TDG: variants seen among roughly 807,000 people sequenced by gnomAD.
TDG encodes the protein thymine DNA glycosylase.
TDG carries 23 observed loss-of-function variants against 46.1 expected under a neutral mutation model. The ratio of observed to expected loss-of-function variants is 0.50; its 90% CI spans 0.36 to 0.71. The LOEUF is 0.71. Among genes scored for constraint, TDG ranks in the 30% least tolerant of loss-of-function variants. The probability of loss-of-function intolerance (pLI) is 0.00; values close to 1 mark genes in which losing one functional copy is unlikely to be tolerated. For synonymous variants in TDG, 115 were observed against 161.3 expected (o/e 0.71, Z 2.18); for missense variants, 304 against 486.7 (o/e 0.62, Z 3.53).
intron 7 of TDG, 124 bp from the exon 8 acceptor site, chr12:103,984,625 A>G: frequency 1.5e-6 from 1 of 683,064 alleles, no homozygotes; most frequent in East Asian, 4.5e-5. Context: ...ATTGATTTTT[A>G]CATATATTTA....
At position 103,985,719 on chromosome 12, in the gene TDG, A is replaced by G. The variant is rs186233269; in HGVS notation, c.1081A>G (p.Asn361Asp). The G allele has an allele frequency of 2.2e-5, 36 of 1,613,118 alleles. No homozygotes were observed. The East Asian group carries it at 6.9e-4, about 31-fold the overall frequency. Residue 361 changes from asparagine (N) to aspartate (D), a missense_variant, in exon 9 of 10, where the codon AAT becomes GAT. By Grantham distance (23) the Asn-to-Asp change is conservative. Transcript: ENST00000392872. ...CSSEPCGFSS[N>D]GLIESVELRG... ...CAGTGAACCTTGTGGCTTCTCTTCA[A>G]ATGGGCTAAGTATGGTTCCCTCCAC...
chr12:103,977,215 G>A (rs1010328077), intron 2 of TDG, among the ~76,000 whole-genome samples, 155 bp downstream of exon 2: 1 of 152,102 alleles, frequency 6.6e-6, no homozygotes, highest in Non-Finnish European at 1.5e-5. Context: ...TAGGTTCTGG[G>A]GAATAAAAGA....
intron 1 of TDG, among the ~76,000 whole-genome samples, chr12:103,967,627 T>G (rs978050322): frequency 2.0e-5 from 3 of 151,900 alleles, no homozygotes; most frequent in African/African-American, 7.3e-5. Flanking sequence ...TGGCTAATTT[T>G]TGTATTTTTA....
intron 8 of TDG, 83 bp downstream of exon 8, chr12:103,985,003 A>C: frequency 8.8e-6 from 10 of 1,140,086 alleles, no homozygotes; most frequent in Non-Finnish European, 1.2e-5. Context: ...ACACATATAC[A>C]TATATACATA....
At chr12:103,979,028 C>G (rs1453951043) in intron 2 of TDG, among the ~76,000 whole-genome samples, 1 of 152,042 alleles carries the variant, frequency 6.6e-6, no homozygotes, top group Non-Finnish European at 1.5e-5. Flanking sequence ...CTAAATTCCC[C>G]TCTTCAACTA....
In TDG at chr12:103,988,625, A is replaced by G. The variant is rs2136248144; in HGVS notation, c.*1535A>G. 6.5e-6 allele frequency: 1 copy of G among 152,850 alleles called. No individual in the cohort carries two copies. The highest frequency in any genetic ancestry group is 6.5e-5 in the Admixed American group (1 of 15,314). 9.5% of individuals were successfully genotyped at this position (152,850 alleles called of 1,614,324 possible). A position where few individuals can be genotyped will look rare whatever the true frequency, so the allele number is the denominator to read the frequency against. On this transcript the variant is annotated 3_prime_UTR_variant, in exon 10 of 10. Transcript: ENST00000392872. ...TATATAACTATTGTAGCTTTACAAG[A>G]GATTGTTTTATTTGAATGGGGAAAA... is the stretch of plus-strand genomic sequence containing the variant.
At chr12:103,980,870 T>C in intron 3 of TDG, 23 bp from the exon 4 acceptor site, 1 of 1,608,082 alleles carries the variant, frequency 6.2e-7, no homozygotes, top group South Asian at 1.1e-5. Flanking sequence ...TAAGATGAAA[T>C]GTCTAATTGT....
intron 1 of TDG, among the ~76,000 whole-genome samples, chr12:103,974,931 C>G (rs1279653003): frequency 7.0e-6 from 1 of 143,214 alleles, no homozygotes; most frequent in Non-Finnish European, 1.5e-5. Flanking sequence ...GCCAAGATCG[C>G]GCCACCACAC....
At chr12:103,984,546 A>G (rs1217278702) in intron 7 of TDG, among the ~76,000 whole-genome samples, 1 of 152,174 alleles carries the variant, frequency 6.6e-6, no homozygotes, top group Non-Finnish European at 1.5e-5. Flanking sequence ...GCGGAGGCTC[A>G]TTATTTTTCA....
chr12:103,985,302 T>A (rs1872085762), intron 8 of TDG, among the ~76,000 whole-genome samples: 1 of 151,996 alleles, frequency 6.6e-6, no homozygotes, highest in African/African-American at 2.4e-5. Context: ...TTAGTCACTG[T>A]TAAAATCTCC....
In TDG at chr12:103,985,583, C is replaced by A. The variant is rs1872104043; in HGVS notation, c.965-20C>A. ...TTGTTGTACAAAATCAGATTTAAAT[C>A]CTTTTTACCTTCCTCACAGAGGATG... On this transcript the variant is annotated intron_variant, in intron 8 of 9. Coordinates refer to ENST00000392872, the MANE Select transcript of TDG (RefSeq NM_003211.6). The A allele has an allele frequency of 1.5e-6, 2 of 1,290,396 alleles. No individual in the cohort carries two copies. The highest frequency in any genetic ancestry group is 6.1e-5 in the Admixed American group (2 of 32,740). The allele number at this position is 1,290,396 out of a possible 1,614,324, so 79.9% of individuals were successfully genotyped here.
chr12:103,985,175 AC>A (rs1194065729), intron 8 of TDG, among the ~76,000 whole-genome samples: 7 of 93,546 alleles, frequency 7.5e-5, no homozygotes, highest in Admixed American at 3.6e-4. Flanking sequence ...ATACACACAC[AC>A]ACACACACAC....
rs1872281900 is a variant in TDG, at chr12:103,988,185, TGGTAGATATTAAAGCTG to T, written c.*1100_*1116del. 6.6e-6 allele frequency: 1 copy of T among 152,378 alleles called. No homozygotes were observed. Among genetic ancestry groups the T allele is most frequent in the South Asian group, 2.1e-4 (1 of 4,832 alleles). The allele number at this position is 152,378 out of a possible 1,614,324, so 9.4% of individuals were successfully genotyped here. On this transcript the variant is annotated 3_prime_UTR_variant, in exon 10 of 10. Transcript: ENST00000392872. ...TACAAATAATCCAGACTACCAGGTC[TGGTAGATATTAAAGCTG>T]GGTACTAAGAAATGTTATTTGCATC...
At chr12:103,975,587 G>A (rs1428044958) in intron 1 of TDG, among the ~76,000 whole-genome samples, 5 of 152,166 alleles carry the variant, frequency 3.3e-5, no homozygotes, top group Admixed American at 3.3e-4. Flanking sequence ...CACTCATCGT[G>A]TTATCAGGAA....
intron 9 of TDG, 49 bp downstream of exon 9, chr12:103,985,777 G>C: frequency 7.0e-7 from 1 of 1,435,846 alleles, no homozygotes; most frequent in Non-Finnish European, 9.2e-7. Context: ...GTTTGGTCAG[G>C]ATTGGGGGGA....
At position 103,983,185 on chromosome 12, in the gene TDG, TATC is replaced by T; in HGVS notation, c.666_668del (p.Tyr222_Gln223delinsTer). The T allele has an allele frequency of 6.2e-7, 1 of 1,607,568 alleles. No homozygotes were observed. The highest frequency in any genetic ancestry group is 8.5e-7 in the Non-Finnish European group (1 of 1,178,032). ...TATTCTAGTACAGAAATTACAGAAA[TATC>T]AGCCACGAATAGCAGTGTTTAATGG... On this transcript the variant is annotated stop_gained and inframe_deletion, in exon 6 of 10. Transcript: ENST00000392872. LOFTEE classifies it high-confidence loss of function.
intron 1 of TDG, among the ~76,000 whole-genome samples, chr12:103,966,292 C>G (rs554048147): frequency 1.8e-4 from 28 of 152,262 alleles, no homozygotes; most frequent in African/African-American, 6.3e-4. Flanking sequence ...TTCTTTGGTT[C>G]CCCGCGATAA....
chr12:103,979,702 T>C (rs545333532), intron 2 of TDG, 129 bp from the exon 3 acceptor site: 2 of 1,170,030 alleles, frequency 1.7e-6, no homozygotes, highest in African/African-American at 3.1e-5. Context: ...GAGACTCATG[T>C]TGGGACTGTA....
chr12:103,977,621 T>C (rs1222405600), intron 2 of TDG, among the ~76,000 whole-genome samples: 1 of 152,206 alleles, frequency 6.6e-6, no homozygotes, highest in Non-Finnish European at 1.5e-5. Flanking sequence ...GAAACTTGTT[T>C]TTTAATCCCA....
Sources: allele counts gnomAD v4.1 joint callset (sites outside exome capture counted in the v4.1 genomes callset), GRCh38; gene constraint gnomAD v4.1.1; transcripts MANE v1.5; gene names NCBI Gene and HGNC (gene_info 2026-07-23, HGNC 2026-07-21).